The following FKBP5 variants were observed in gnomAD, a reference collection of about 807,000 sequenced individuals.
FKBP5 encodes peptidyl-prolyl cis-trans isomerase FKBP5.
A neutral mutation model predicts 50.5 loss-of-function variants in FKBP5; 23 were observed. The observed-to-expected ratio is 0.46, with a 90% CI of 0.33 to 0.65. The LOEUF (loss-of-function observed/expected upper bound fraction) is 0.65, where lower values mean the gene tolerates loss of function less well. Ranked by LOEUF, FKBP5 falls within the 30% of genes least tolerant of loss-of-function variation. The pLI is 0.02. For missense variants in FKBP5, 411 were observed against 553.1 expected (o/e 0.74, Z 2.58); for synonymous variants, 176 against 190.6 (o/e 0.92, Z 0.63).
chr6:35,614,835 T>C (rs1320746369), intron 5 of FKBP5, among the ~76,000 whole-genome samples: 1 of 152,002 alleles, frequency 6.6e-6, no homozygotes, highest in African/African-American at 2.4e-5. Context: ...AACATATACA[T>C]ACAGGCTGGC....
intron 1 of FKBP5, among the ~76,000 whole-genome samples, chr6:35,727,521 C>T (rs1248405080): frequency 1.3e-5 from 2 of 152,206 alleles, no homozygotes; most frequent in African/African-American, 4.8e-5. Flanking sequence ...CCAAACCGTC[C>T]AAAAGGGCTG....
rs188566240 is a variant in FKBP5, at chr6:35,671,273, A to T, written c.-20+17531T>A. Reference sequence around the variant, plus strand: ...AGTGCAATCCTGTCTCAAAAAAAAAAAAAAATAATAAATAAATAAACAAAA... The same window carrying T: ...AGTGCAATCCTGTCTCAAAAAAAAATAAAAATAATAAATAAATAAACAAAA... On this transcript the variant is annotated intron_variant, in intron 1 of 10. Coordinates refer to ENST00000357266, the MANE Select transcript of FKBP5 (RefSeq NM_004117.4). Among the ~76,000 whole-genome samples the T allele has an allele frequency of 4.4e-3, 662 of 151,574 alleles. 3 individuals carry two copies. Among genetic ancestry groups the T allele is most frequent in the African/African-American group, 8.2e-3 (340 of 41,460 alleles).
intron 5 of FKBP5, among the ~76,000 whole-genome samples, chr6:35,598,116 ATTTACCAAGCTC>A (rs960270031): frequency 5.9e-5 from 9 of 152,178 alleles, no homozygotes; most frequent in African/African-American, 2.2e-4. Context: ...TTCCACCCCA[ATTTACCAAGCTC>A]TTTCCCAGAG....
At chr6:35,626,807 C>T (rs138558793) in intron 3 of FKBP5, among the ~76,000 whole-genome samples, 2 of 152,268 alleles carry the variant, frequency 1.3e-5, no homozygotes, top group South Asian at 4.1e-4. Flanking sequence ...GTAGCATCTG[C>T]CAGAATTTTT....
At chr6:35,675,524 C>A (rs978305725) in intron 1 of FKBP5, among the ~76,000 whole-genome samples, 1 of 152,118 alleles carries the variant, frequency 6.6e-6, no homozygotes, top group Non-Finnish European at 1.5e-5. Flanking sequence ...GAGCCGAGAT[C>A]ACGCCACTGC....
chr6:35,640,393 GA>G (rs142202920), intron 2 of FKBP5, among the ~76,000 whole-genome samples: 1 of 151,672 alleles, frequency 6.6e-6, no homozygotes. Flanking sequence ...AGGTATACAA[GA>G]AAAAAAATGG....
chr6:35,727,432 C>T (rs1470709118), intron 1 of FKBP5, among the ~76,000 whole-genome samples: 1 of 152,192 alleles, frequency 6.6e-6, no homozygotes, highest in African/African-American at 2.4e-5. Context: ...CTTGGCCTTG[C>T]CCTTCTTTCA....
At chr6:35,639,477 G>A (rs1450765314) in intron 2 of FKBP5, among the ~76,000 whole-genome samples, 1 of 152,124 alleles carries the variant, frequency 6.6e-6, no homozygotes, top group East Asian at 1.9e-4. Context: ...CAGGGTCTGA[G>A]GCAAGTTGGG....
chr6:35,670,728 T>A (rs569910210), intron 1 of FKBP5, among the ~76,000 whole-genome samples: 6 of 141,602 alleles, frequency 4.2e-5, no homozygotes, highest in African/African-American at 1.6e-4. Context: ...CAAGACTCCA[T>A]CTCAAAAAAA....
At chr6:35,641,868 C>T (rs1489602774) in intron 2 of FKBP5, among the ~76,000 whole-genome samples, 2 of 151,862 alleles carry the variant, frequency 1.3e-5, no homozygotes, top group South Asian at 2.1e-4. Context: ...TGGTAGCAGG[C>T]GCCTGTAATC....
intron 5 of FKBP5, among the ~76,000 whole-genome samples, chr6:35,602,754 C>T (rs2150967101): frequency 6.6e-6 from 1 of 152,288 alleles, no homozygotes; most frequent in South Asian, 2.1e-4. Context: ...ACACACACCA[C>T]TGTAAGATTG....
intron 1 of FKBP5, among the ~76,000 whole-genome samples, chr6:35,667,033 G>C (rs1033871358): frequency 7.3e-6 from 1 of 137,234 alleles, no homozygotes; most frequent in Non-Finnish European, 1.5e-5. Flanking sequence ...GTGTGTGTGT[G>C]TGTGTGTGTG....
At chr6:35,700,214 A>G (rs12153967) in intron 2 of FKBP5, among the ~76,000 whole-genome samples, 116,431 of 151,840 alleles carry the variant, frequency 0.77, 45,174 homozygotes, top group African/African-American at 0.9. Flanking sequence ...AGGCTGGAGT[A>G]CAGTGGTGCA....
intron 9 of FKBP5, among the ~76,000 whole-genome samples, chr6:35,578,539 T>C (rs148917974): frequency 0.012 from 1,764 of 152,130 alleles, 33 homozygotes; most frequent in African/African-American, 0.038. Flanking sequence ...GAAGCTGAGG[T>C]GGCAAATCAC....
chr6:35,596,661 T>A (rs527250297), intron 6 of FKBP5, among the ~76,000 whole-genome samples: 1 of 152,306 alleles, frequency 6.6e-6, no homozygotes, highest in African/African-American at 2.4e-5. Flanking sequence ...CTAAAAATAC[T>A]ACTAAACATG....
intron 2 of FKBP5, among the ~76,000 whole-genome samples, chr6:35,699,232 G>A (rs1272527962): frequency 6.6e-6 from 1 of 152,192 alleles, no homozygotes; most frequent in Non-Finnish European, 1.5e-5. Context: ...GTTTCTCACA[G>A]CGTGTTGGTC....
chr6:35,609,195 T>G (rs1356709276), intron 5 of FKBP5, among the ~76,000 whole-genome samples: 2 of 152,214 alleles, frequency 1.3e-5, no homozygotes, highest in African/African-American at 2.4e-5. Flanking sequence ...TTCTCGCTAC[T>G]GTTTCTTATG....
At position 35,672,925 on chromosome 6, in the gene FKBP5, G is replaced by A. The variant is rs562293994; in HGVS notation, c.-20+15879C>T. On this transcript the variant is annotated intron_variant, in intron 1 of 10. Transcript: ENST00000357266. The stretch of plus-strand genomic sequence containing the variant: ...AGCCTGGGCAACAGAGAGAGACTCC[G>A]TCTCAAAAAAAAAAAAGAAAAAAAG... Among the ~76,000 whole-genome samples, 9 of 148,698 alleles carry A rather than the reference G, an allele frequency of 6.1e-5. No individual in the cohort carries two copies. The East Asian group carries it at 7.9e-4, about 13-fold the overall frequency.
chr6:35,590,235 G>A (rs1229119634), intron 7 of FKBP5, among the ~76,000 whole-genome samples: 2 of 152,154 alleles, frequency 1.3e-5, no homozygotes, highest in African/African-American at 4.8e-5. Flanking sequence ...GGAAGTTGAG[G>A]CTGGAGTGAG....
Sources: gnomAD v4.1 joint callset for allele counts (sites outside exome capture counted in the v4.1 genomes callset) on GRCh38, gnomAD v4.1.1 for gene constraint, MANE v1.5 for transcripts, NCBI Gene and HGNC (gene_info 2026-07-23, HGNC 2026-07-21) for gene names.